The following WDR37 variants were observed in gnomAD, a reference collection of about 807,000 sequenced individuals.
The protein encoded by WDR37 is WD repeat domain 37, also known as WD repeat-containing protein 37.
A neutral mutation model predicts 62.9 loss-of-function variants in WDR37; 19 were observed. The observed-to-expected ratio is 0.30, with a 90% confidence interval of 0.21 to 0.44. The LOEUF (loss-of-function observed/expected upper bound fraction) is 0.44, where lower values mean the gene tolerates loss of function less well. Ranked by LOEUF, WDR37 falls within the 20% of genes least tolerant of loss-of-function variation. The probability of loss-of-function intolerance (pLI) is 1.00; values close to 1 mark genes in which losing one functional copy is unlikely to be tolerated. For synonymous variants in WDR37, 250 were observed against 260.9 expected (o/e 0.96, Z 0.40); for missense variants, 474 against 657.6 (o/e 0.72, Z 3.05).
intron 11 of WDR37, among the ~76,000 whole-genome samples, chr10:1,122,413 GTCTC>G (rs1835614605): frequency 6.6e-6 from 1 of 152,182 alleles, no homozygotes; most frequent in Non-Finnish European, 1.5e-5. Flanking sequence ...TCAAGCCTGT[GTCTC>G]TCTGAGAAGG....
chr10:1,129,725 CTG>C lies in WDR37; in HGVS notation c.*383_*384del, dbSNP rs145677146. The C allele has an allele frequency of 0.023, 3,817 of 169,644 alleles. 63 individuals carry two copies. The highest frequency in any genetic ancestry group is 0.036 in the Non-Finnish European group (2,826 of 78,324). The allele number at this position is 169,644 out of a possible 1,614,324, so 10.5% of individuals were successfully genotyped here. The stretch of plus-strand genomic sequence containing the variant: ...GGCAGTCCTGCGTTCCCTGGAGTAA[CTG>C]TACGTATCTGCCTTTGCTGGGAAGA... On this transcript the variant is annotated 3_prime_UTR_variant, in exon 14 of 14. Transcript: ENST00000263150.
intron 11 of WDR37, among the ~76,000 whole-genome samples, chr10:1,109,580 G>T (rs760013441): frequency 1.3e-5 from 2 of 152,078 alleles, no homozygotes; most frequent in African/African-American, 2.4e-5. Flanking sequence ...GTGTGGTGGC[G>T]CACGCCTGTA....
chr10:1,119,303 A>T (rs1372815276), intron 11 of WDR37, among the ~76,000 whole-genome samples: 1 of 152,162 alleles, frequency 6.6e-6, no homozygotes, highest in African/African-American at 2.4e-5. Flanking sequence ...TGTTTCTGTA[A>T]TGGGTCTTCT....
chr10:1,101,261 C>T (rs1450803769), intron 9 of WDR37, among the ~76,000 whole-genome samples: 1 of 152,172 alleles, frequency 6.6e-6, no homozygotes, highest in African/African-American at 2.4e-5. Context: ...ACAACAGATC[C>T]GTGTTCCCAC....
At chr10:1,106,956 C>A (rs1364653916) in intron 11 of WDR37, among the ~76,000 whole-genome samples, 1 of 152,202 alleles carries the variant, frequency 6.6e-6, no homozygotes, top group Non-Finnish European at 1.5e-5. Context: ...GCATCACACG[C>A]ATTAAACTGC....
chr10:1,102,442 T>C (rs1834855785), intron 9 of WDR37, among the ~76,000 whole-genome samples: 1 of 152,258 alleles, frequency 6.6e-6, no homozygotes, highest in South Asian at 2.1e-4. Context: ...AGAGGTTTAA[T>C]TGGCTGATTC....
intron 2 of WDR37, among the ~76,000 whole-genome samples, chr10:1,074,661 C>T (rs916910918): frequency 3.9e-5 from 6 of 152,078 alleles, no homozygotes; most frequent in African/African-American, 1.4e-4. Flanking sequence ...GTGAGGGGGG[C>T]GATCTCAGAA....
At chr10:1,075,784 CTTT>C in intron 2 of WDR37, among the ~76,000 whole-genome samples, 1 of 140,940 alleles carries the variant, frequency 7.1e-6, no homozygotes, top group South Asian at 2.2e-4. Flanking sequence ...ATTGGAACTT[CTTT>C]TTTTTTTTTT....
intron 1 of WDR37, among the ~76,000 whole-genome samples, chr10:1,062,519 G>C (rs987291800): frequency 2.6e-5 from 4 of 152,222 alleles, no homozygotes; most frequent in African/African-American, 9.6e-5. Flanking sequence ...ACTGAAGATA[G>C]AGTCTCCCTT....
chr10:1,057,788 G>A (rs926468518), intron 1 of WDR37, among the ~76,000 whole-genome samples: 1 of 152,054 alleles, frequency 6.6e-6, no homozygotes, highest in African/African-American at 2.4e-5. Context: ...CCCTTGAAGC[G>A]GATACCATTA....
At chr10:1,076,405 C>T (rs936956574) in intron 2 of WDR37, among the ~76,000 whole-genome samples, 5 of 152,154 alleles carry the variant, frequency 3.3e-5, no homozygotes, top group Admixed American at 6.5e-5. Flanking sequence ...CTCGGCCACG[C>T]GCGGTGGCTC....
chr10:1,067,720 C>T (rs1043081154), intron 1 of WDR37, among the ~76,000 whole-genome samples: 1 of 152,062 alleles, frequency 6.6e-6, no homozygotes, highest in Non-Finnish European at 1.5e-5. Context: ...ACACACCTAA[C>T]GGAACAGCTA....
At chr10:1,088,741 G>A (rs751910585) in intron 7 of WDR37, among the ~76,000 whole-genome samples, 19 of 151,870 alleles carry the variant, frequency 1.3e-4, no homozygotes, top group African/African-American at 3.4e-4. Flanking sequence ...AATTACCAGC[G>A]TGTGTCACAG....
chr10:1,124,272 T>C lies in WDR37; in HGVS notation c.1158T>C (p.Asp386=), dbSNP rs752252754. The C allele has an allele frequency of 5.6e-6, 9 of 1,614,244 alleles. No homozygotes were observed. In the East Asian group the frequency reaches 6.7e-5, roughly 12 times the overall value. The part of the protein sequence containing the change: ...TVGDNVVSGS[D]DRTVKVWDLK... ...GAGACAACGTGGTTTCAGGCAGCGA[T>C]GACCGCACGGTGAAAGTCTGGGACT... The change falls in exon 12 of 14, where the codon GAT becomes GAC. Residue 386 remains aspartate, a synonymous_variant. Transcript: ENST00000263150.
At position 1,105,335 on chromosome 10, in the gene WDR37, T is replaced by G; in HGVS notation, c.1103+68T>G. The G allele has an allele frequency of 6.5e-7, 1 of 1,532,684 alleles. No individual in the cohort carries two copies. The highest frequency in any genetic ancestry group is 8.9e-7 in the Non-Finnish European group (1 of 1,126,364). The allele number at this position is 1,532,684 out of a possible 1,614,324, so 94.9% of individuals were successfully genotyped here. Reference sequence around the variant, plus strand: ...AGTTCTGTGGGTTGACATGAAAACTTAATTCTAGCCTTAATTTTCAGTATT... The same window carrying G: ...AGTTCTGTGGGTTGACATGAAAACTGAATTCTAGCCTTAATTTTCAGTATT... On this transcript the variant is annotated intron_variant, in intron 11 of 13. Transcript: ENST00000263150. The surrounding 1 kb of genome is among the most constrained non-coding windows in gnomAD (Gnocchi z 5.3).
At chr10:1,084,902 A>G (rs1256460144) in intron 6 of WDR37, among the ~76,000 whole-genome samples, 2 of 152,246 alleles carry the variant, frequency 1.3e-5, no homozygotes, top group Non-Finnish European at 2.9e-5. Context: ...TGAGGAAAGA[A>G]ATACTTGTTT....
At position 1,132,271 on chromosome 10, in the gene WDR37, T is replaced by C. The variant is rs187772252; in HGVS notation, c.*2927T>C. On this transcript the variant is annotated 3_prime_UTR_variant, in exon 14 of 14. Coordinates refer to ENST00000263150, the MANE Select transcript of WDR37 (RefSeq NM_014023.4). ...TATAAACATCACGATGAGCTAGAAATTGAACAAATATAATACTGGTCACTC... is the reference window on the plus strand; with the variant it reads ...TATAAACATCACGATGAGCTAGAAACTGAACAAATATAATACTGGTCACTC... The C allele has an allele frequency of 3.8e-4, 58 of 152,314 alleles. 2 individuals carry two copies. The East Asian group carries it at 0.01, about 27-fold the overall frequency. 9.4% of individuals were successfully genotyped at this position (152,314 alleles called of 1,614,324 possible). A position where few individuals can be genotyped will look rare whatever the true frequency, so the allele number is the denominator to read the frequency against.
chr10:1,109,579 C>T (rs1376348969), intron 11 of WDR37, among the ~76,000 whole-genome samples: 8 of 152,102 alleles, frequency 5.3e-5, no homozygotes, highest in Admixed American at 3.9e-4. Context: ...GGTGTGGTGG[C>T]GCACGCCTGT....
chr10:1,071,935 C>G (rs1336674913), intron 1 of WDR37, among the ~76,000 whole-genome samples, 181 bp from the exon 2 acceptor site: 5 of 152,012 alleles, frequency 3.3e-5, no homozygotes, highest in African/African-American at 1.2e-4. Flanking sequence ...GAAATTACTT[C>G]TTTAATAAAG....
Sources: gnomAD v4.1 joint callset for allele counts (sites outside exome capture counted in the v4.1 genomes callset) on GRCh38, gnomAD v4.1.1 for gene constraint, Gnocchi (gnomAD v3.1) non-coding constraint, MANE v1.5 for transcripts, NCBI Gene and HGNC (gene_info 2026-07-23, HGNC 2026-07-21) for gene names.